PAPPA2: variants seen among roughly 807,000 people sequenced by gnomAD.
PAPPA2 encodes the protein pappalysin 2.
A neutral mutation model predicts 176.4 loss-of-function variants in PAPPA2; 86 were observed. The ratio of observed to expected loss-of-function variants is 0.49; its 90% CI spans 0.41 to 0.58. The LOEUF (loss-of-function observed/expected upper bound fraction) is 0.58, where lower values mean the gene tolerates loss of function less well. Among genes scored for constraint, PAPPA2 ranks in the 20% least tolerant of loss-of-function variants. PAPPA2 has a pLI of 0.00. For synonymous variants in PAPPA2, 809 were observed against 852.2 expected, an observed-to-expected ratio of 0.95 and a Z score of 0.88; for missense variants, 2,073 against 2,256.9, an observed-to-expected ratio of 0.92 and a Z score of 1.65.
intron 3 of PAPPA2, among the ~76,000 whole-genome samples, chr1:176,600,768 G>T (rs981691901): frequency 6.6e-6 from 1 of 151,574 alleles, no homozygotes; most frequent in African/African-American, 2.4e-5. Flanking sequence ...GAAATGCTTT[G>T]CGAGTCATCT....
At chr1:176,839,678 A>G (rs1667408537) in intron 21 of PAPPA2, among the ~76,000 whole-genome samples, 2 of 152,124 alleles carry the variant, frequency 1.3e-5, no homozygotes, top group Non-Finnish European at 2.9e-5. Context: ...AGCAGTACAA[A>G]ACCAAGTTAC....
intron 8 of PAPPA2, among the ~76,000 whole-genome samples, chr1:176,700,907 A>G (rs1286682240): frequency 1.3e-5 from 2 of 152,194 alleles, no homozygotes; most frequent in Admixed American, 6.5e-5. Flanking sequence ...TGCTCTGTCA[A>G]TTAGAACTAG....
chr1:176,828,276 G>T (rs1666933691), intron 21 of PAPPA2, among the ~76,000 whole-genome samples: 1 of 151,814 alleles, frequency 6.6e-6, no homozygotes, highest in Non-Finnish European at 1.5e-5. Context: ...CTATTGCAAG[G>T]GTTCATAAAA....
chr1:176,741,561 A>G (rs902687569), intron 14 of PAPPA2, among the ~76,000 whole-genome samples: 41 of 152,144 alleles, frequency 2.7e-4, no homozygotes, highest in African/African-American at 9.4e-4. Context: ...GGCATATTCT[A>G]TTCATTAGAA....
At chr1:176,781,415 A>G (rs982607206) in intron 17 of PAPPA2, among the ~76,000 whole-genome samples, 1 of 117,446 alleles carries the variant, frequency 8.5e-6, no homozygotes, top group Non-Finnish European at 1.6e-5. Context: ...GAAGAAGGCC[A>G]AATCTAATAT....
At chr1:176,544,820 TG>T (rs1188702355) in intron 1 of PAPPA2, among the ~76,000 whole-genome samples, 1 of 152,204 alleles carries the variant, frequency 6.6e-6, no homozygotes, top group East Asian at 1.9e-4. Flanking sequence ...TTCAATCATT[TG>T]CTTAGAAAAG....
chr1:176,717,316 C>T (rs936754874), intron 12 of PAPPA2, among the ~76,000 whole-genome samples: 1 of 152,140 alleles, frequency 6.6e-6, no homozygotes, highest in African/African-American at 2.4e-5. Context: ...AGCATAAAGA[C>T]ACTTCCAGCA....
Position 176,618,829 on chromosome 1 carries a change from A to G in PAPPA2, c.1991+23234A>G, listed in dbSNP as rs149355593. Among the ~76,000 whole-genome samples the G allele has an allele frequency of 5.6e-3, 859 of 152,266 alleles. 12 individuals are homozygous for G. Among genetic ancestry groups the G allele is most frequent in the African/African-American group, 0.019 (804 of 41,540 alleles). The stretch of plus-strand genomic sequence containing the variant: ...CGAATAGTAAAATACAACTTCCCTC[A>G]AAGTGTTTGTAATCCAGACTGGGAA... On this transcript the variant is annotated intron_variant, in intron 3 of 22. Coordinates refer to ENST00000367662, the MANE Select transcript of PAPPA2 (RefSeq NM_020318.3).
At chr1:176,781,669 A>C (rs1004980551) in intron 17 of PAPPA2, among the ~76,000 whole-genome samples, 6 of 151,800 alleles carry the variant, frequency 4.0e-5, no homozygotes, top group Admixed American at 3.9e-4. Context: ...TAAGTAGAGA[A>C]CCGTGTCTTT....
intron 3 of PAPPA2, among the ~76,000 whole-genome samples, chr1:176,665,316 T>C (rs1658578535): frequency 1.3e-5 from 2 of 152,280 alleles, no homozygotes; most frequent in African/African-American, 2.4e-5. Flanking sequence ...GCTCTCCTGC[T>C]ATTTACCATT....
chr1:176,795,553 G>A (rs1665391408), intron 20 of PAPPA2, among the ~76,000 whole-genome samples: 1 of 152,172 alleles, frequency 6.6e-6, no homozygotes, highest in Non-Finnish European at 1.5e-5. Flanking sequence ...AGTCCTTCAG[G>A]AGACTGATTT....
chr1:176,842,737 C>T lies in PAPPA2; in HGVS notation c.*283C>T, dbSNP rs1044299. ...GATATATAAGGACCCTCCTCCCTCACTTATATTCTATTAAATCCTATCCTC... is the reference window on the plus strand; with the variant it reads ...GATATATAAGGACCCTCCTCCCTCATTTATATTCTATTAAATCCTATCCTC... On this transcript the variant is annotated 3_prime_UTR_variant, in exon 23 of 23. Coordinates refer to ENST00000367662, the MANE Select transcript of PAPPA2 (RefSeq NM_020318.3). 235,169 of 395,566 alleles carry T rather than the reference C, an allele frequency of 0.59. 72,571 individuals carry two copies. The highest frequency in any genetic ancestry group is 0.85 in the African/African-American group (41,328 of 48,526). The allele number at this position is 395,566 out of a possible 1,614,324, so 24.5% of individuals were successfully genotyped here. A position where few individuals can be genotyped will look rare whatever the true frequency, so the allele number is the denominator to read the frequency against.
chr1:176,789,720 T>C (rs1343769278), intron 17 of PAPPA2, 89 bp from the exon 18 acceptor site: 1 of 1,440,510 alleles, frequency 6.9e-7, no homozygotes. Context: ...GCCTATTTGC[T>C]AATTCTTATG....
intron 17 of PAPPA2, among the ~76,000 whole-genome samples, chr1:176,776,701 G>C (rs1664474250): frequency 6.6e-6 from 1 of 151,886 alleles, no homozygotes; most frequent in African/African-American, 2.4e-5. Flanking sequence ...TGTTCTGTTG[G>C]GTATTGATGA....
intron 2 of PAPPA2, among the ~76,000 whole-genome samples, chr1:176,569,023 A>G (rs544951680): frequency 5.3e-5 from 8 of 152,292 alleles, no homozygotes; most frequent in African/African-American, 1.7e-4. Context: ...CACTGACTCT[A>G]CAATAGACAC....
At chr1:176,481,125 C>T (rs1250490402) in intron 1 of PAPPA2, among the ~76,000 whole-genome samples, 1 of 152,152 alleles carries the variant, frequency 6.6e-6, no homozygotes, top group Non-Finnish European at 1.5e-5. Flanking sequence ...GGAAGAGAAG[C>T]TTTCTGAATA....
intron 12 of PAPPA2, among the ~76,000 whole-genome samples, chr1:176,726,280 T>G (rs1447875608): frequency 1.3e-5 from 2 of 152,214 alleles, no homozygotes; most frequent in Admixed American, 1.3e-4. Flanking sequence ...AATTGATCAC[T>G]TCATCCTTGA....
chr1:176,801,565 C>T (rs1381531372), intron 21 of PAPPA2, among the ~76,000 whole-genome samples: 1 of 152,026 alleles, frequency 6.6e-6, no homozygotes, highest in Non-Finnish European at 1.5e-5. Context: ...CATCTTCTGC[C>T]ATCATTAGAA....
At chr1:176,672,923 A>T (rs1052460546) in intron 4 of PAPPA2, among the ~76,000 whole-genome samples, 1 of 152,196 alleles carries the variant, frequency 6.6e-6, no homozygotes, top group Non-Finnish European at 1.5e-5. Context: ...AGGCAAGAGC[A>T]TTGCATGTGT....
Sources: allele counts gnomAD v4.1 joint callset (sites outside exome capture counted in the v4.1 genomes callset), GRCh38; gene constraint gnomAD v4.1.1; transcripts MANE v1.5; gene names NCBI Gene and HGNC (gene_info 2026-07-23, HGNC 2026-07-21).